ESYT2: variants seen among roughly 807,000 people sequenced by gnomAD.
The protein encoded by ESYT2 is extended synaptotagmin-2.
Under a neutral mutation model 107.2 loss-of-function variants are expected in ESYT2, and 54 were observed. That is an observed-to-expected ratio of 0.50 (90% CI 0.40 to 0.63). ESYT2 has a LOEUF of 0.63. Among genes scored for constraint, ESYT2 ranks in the 30% least tolerant of loss-of-function variants. ESYT2 has a pLI of 0.00. For synonymous variants in ESYT2, 491 were observed against 434.1 expected (o/e 1.13, Z -1.63); for missense variants, 1,020 against 1,094.5 (o/e 0.93, Z 0.96).
At chr7:158,745,415 C>T (rs1192451751) in intron 16 of ESYT2, among the ~76,000 whole-genome samples, 2 of 147,968 alleles carry the variant, frequency 1.4e-5, no homozygotes, top group Non-Finnish European at 3.0e-5. Flanking sequence ...GATTTAAACG[C>T]CATGCTCTTC....
rs1837217434 is a variant in ESYT2, at chr7:158,741,767, C to T, written c.1924G>A (p.Gly642Ser). 6.2e-7 allele frequency: 1 copy of T among 1,613,922 alleles called. No individual in the cohort carries two copies. Among genetic ancestry groups the T allele is most frequent in the Non-Finnish European group, 8.5e-7 (1 of 1,180,022 alleles). Residue 642 changes from glycine (G) to serine (S), a missense_variant, in exon 18 of 23, where the codon GGT becomes AGT. Coordinates refer to ENST00000275418, the MANE Select transcript of ESYT2 (RefSeq NM_001367773.1). ...KSHMSGSPGP[G>S]GSNTAPSTPV... ...GTGGATGGAGCTGTGTTGCTGCCAC[C>T]AGGGCCTGGAGACCCAGACATATGA...
At position 158,733,914 on chromosome 7, in the gene ESYT2, GAC is replaced by G. The variant is rs990266240; in HGVS notation, c.*291_*292del. On this transcript the variant is annotated 3_prime_UTR_variant, in exon 23 of 23. Coordinates refer to ENST00000275418, the MANE Select transcript of ESYT2 (RefSeq NM_001367773.1). ...ATAAACAAGGCCATAATAAAGCACA[GAC>G]ACATCCGACTCCTACGGACACAGCT... 4.2e-5 allele frequency: 17 copies of G among 401,702 alleles called. No homozygotes were observed. The highest frequency in any genetic ancestry group is 4.6e-6 in the Non-Finnish European group (1 of 218,392). 24.9% of individuals were successfully genotyped at this position (401,702 alleles called of 1,614,324 possible). A position where few individuals can be genotyped will look rare whatever the true frequency, so the allele number is the denominator to read the frequency against.
chr7:158,731,426 C>T lies in ESYT2; in HGVS notation c.*2781G>A, dbSNP rs185006273. ...AAGCAATTCTCCTGCCTCAGCCTCC[C>T]GAGTAGCTGGGACTACAGGCGTGCG... On this transcript the variant is annotated 3_prime_UTR_variant, in exon 23 of 23. Transcript: ENST00000275418. The T allele has an allele frequency of 0.014, 2,071 of 152,236 alleles. 15 individuals carry two copies. Among genetic ancestry groups the T allele is most frequent in the Non-Finnish European group, 0.022 (1,483 of 68,056 alleles). The allele number at this position is 152,236 out of a possible 1,614,324, so 9.4% of individuals were successfully genotyped here.
At chr7:158,753,783 C>T (rs534394562) in intron 13 of ESYT2, among the ~76,000 whole-genome samples, 20 of 151,964 alleles carry the variant, frequency 1.3e-4, no homozygotes, top group African/African-American at 3.9e-4. Flanking sequence ...AGATCCACTG[C>T]GTCCGTCTCT....
intron 1 of ESYT2, among the ~76,000 whole-genome samples, chr7:158,815,403 T>TCAC (rs1840123282): frequency 6.6e-6 from 1 of 152,170 alleles, no homozygotes; most frequent in Admixed American, 6.5e-5. Context: ...GGGTGGTTGT[T>TCAC]CACATTCCTG....
intron 1 of ESYT2, among the ~76,000 whole-genome samples, chr7:158,828,528 C>G (rs986137323): frequency 1.3e-5 from 2 of 152,118 alleles, no homozygotes; most frequent in African/African-American, 4.8e-5. Context: ...GGGAGGGAAG[C>G]GGGCTTTGTG....
chr7:158,793,508 T>C (rs1839370734), intron 4 of ESYT2, 142 bp downstream of exon 4: 5 of 671,182 alleles, frequency 7.4e-6, no homozygotes, highest in Admixed American at 5.6e-5. Context: ...TAAATAATAT[T>C]TGGATGTCTA....
intron 1 of ESYT2, among the ~76,000 whole-genome samples, chr7:158,800,615 T>A (rs766516765): frequency 3.3e-5 from 5 of 152,136 alleles, no homozygotes; most frequent in Non-Finnish European, 5.9e-5. Flanking sequence ...GTCTTGAACA[T>A]CTGGCCTCAA....
chr7:158,811,439 T>A (rs1291578482), intron 1 of ESYT2, among the ~76,000 whole-genome samples: 1 of 152,194 alleles, frequency 6.6e-6, no homozygotes, highest in Non-Finnish European at 1.5e-5. Context: ...GCAAAGCCAT[T>A]CCATTGTGGG....
At chr7:158,777,644 T>A (rs2129472729) in intron 6 of ESYT2, among the ~76,000 whole-genome samples, 1 of 152,108 alleles carries the variant, frequency 6.6e-6, no homozygotes, top group Non-Finnish European at 1.5e-5. Context: ...CTTGAGTCAA[T>A]TAACCCTCCT....
chr7:158,752,983 C>T, intron 13 of ESYT2, 140 bp from the exon 14 acceptor site: 4 of 415,674 alleles, frequency 9.6e-6, no homozygotes, highest in Non-Finnish European at 1.7e-5. Flanking sequence ...ACACAAACAA[C>T]CAAAATGCCA....
At chr7:158,751,978 C>T (rs1455079501) in intron 14 of ESYT2, among the ~76,000 whole-genome samples, 2 of 152,152 alleles carry the variant, frequency 1.3e-5, no homozygotes, top group Non-Finnish European at 2.9e-5. Context: ...AGTGGGGGTT[C>T]GCAAATACCA....
intron 4 of ESYT2, among the ~76,000 whole-genome samples, chr7:158,792,367 A>AT (rs936243502): frequency 3.9e-4 from 59 of 151,492 alleles, no homozygotes; most frequent in South Asian, 8.4e-4. Context: ...CTACAAAAAA[A>AT]AAATAAAAAA....
At chr7:158,754,309 C>T (rs950847615) in intron 13 of ESYT2, among the ~76,000 whole-genome samples, 6 of 152,130 alleles carry the variant, frequency 3.9e-5, no homozygotes, top group Non-Finnish European at 5.9e-5. Context: ...TGGGTTCAAG[C>T]GATTCTCCTC....
At chr7:158,734,277 T>C (rs779565438) in intron 22 of ESYT2, 25 bp from the exon 23 acceptor site, 2 of 1,613,832 alleles carry the variant, frequency 1.2e-6, no homozygotes, top group East Asian at 4.5e-5. Flanking sequence ...GACAGGAAGG[T>C]GGTGACGGAT....
chr7:158,772,244 C>G (rs531477058), intron 7 of ESYT2, among the ~76,000 whole-genome samples: 48 of 152,278 alleles, frequency 3.2e-4, no homozygotes, highest in African/African-American at 1.1e-3. Context: ...TTTCTTTCCG[C>G]AGATCTTTTA....
intron 16 of ESYT2, among the ~76,000 whole-genome samples, chr7:158,745,365 T>A (rs1403590348): frequency 6.6e-6 from 1 of 152,116 alleles, no homozygotes; most frequent in Admixed American, 6.5e-5. Flanking sequence ...AAGATACAAG[T>A]AGCAAAAACA....
In ESYT2 at chr7:158,829,151, G is replaced by T. The variant is rs535863667; in HGVS notation, c.268C>A (p.Leu90Met). 1 of 1,559,886 alleles carries T rather than the reference G, an allele frequency of 6.4e-7. No individual in the cohort carries two copies. Among genetic ancestry groups the T allele is most frequent in the African/African-American group, 1.4e-5 (1 of 72,584 alleles). ...KALRLCRALA[L>M]LEDEERVVRL... ...ACGACGCGCTCCTCGTCTTCCAGCAGCGCCAGCGCGCGGCACAGGCGCAGG... is the reference window on the plus strand; with the variant it reads ...ACGACGCGCTCCTCGTCTTCCAGCATCGCCAGCGCGCGGCACAGGCGCAGG... Residue 90 changes from leucine (L) to methionine (M), a missense_variant, in exon 1 of 23, where the codon CTG becomes ATG. Physicochemically the swap from Leu to Met is conservative, Grantham distance 15. Coordinates refer to ENST00000275418, the MANE Select transcript of ESYT2 (RefSeq NM_001367773.1).
At chr7:158,820,217 G>A (rs369697747) in intron 1 of ESYT2, among the ~76,000 whole-genome samples, 82 of 152,226 alleles carry the variant, frequency 5.4e-4, no homozygotes, top group African/African-American at 1.9e-3. Flanking sequence ...AAAGAATGGG[G>A]GAGAGTCTAG....
Sources: allele counts gnomAD v4.1 joint callset (sites outside exome capture counted in the v4.1 genomes callset), GRCh38; gene constraint gnomAD v4.1.1; transcripts MANE v1.5; gene names NCBI Gene and HGNC (gene_info 2026-07-23, HGNC 2026-07-21).